Variants in SLC12A8 observed in about 807,000 individuals in gnomAD.
SLC12A8 encodes solute carrier family 12 member 8.
A neutral mutation model predicts 75.6 loss-of-function variants in SLC12A8; 69 were observed. The ratio of observed to expected loss-of-function variants is 0.91; its 90% CI spans 0.75 to 1.11. The LOEUF (loss-of-function observed/expected upper bound fraction) is 1.11, where lower values mean the gene tolerates loss of function less well. Ranked by LOEUF, SLC12A8 falls within the 50% of genes most tolerant of loss-of-function variation. The pLI is 0.00. For synonymous variants in SLC12A8, 365 were observed against 372.8 expected (o/e 0.98, Z 0.24); for missense variants, 877 against 896.7 (o/e 0.98, Z 0.28).
In SLC12A8 at chr3:125,149,646, A is replaced by C. The variant is rs79277501; in HGVS notation, c.623-13864T>G. The stretch of plus-strand genomic sequence containing the variant: ...GGAATATTGAAAATATTCAACAGGT[A>C]GAACAAGTCAAAGAACATGCTTTGC... On this transcript the variant is annotated intron_variant, in intron 5 of 13. Coordinates refer to ENST00000469902, the MANE Select transcript of SLC12A8 (RefSeq NM_024628.6). Among the ~76,000 whole-genome samples, 1,544 of 152,354 alleles carry C rather than the reference A, an allele frequency of 0.01. 65 individuals carry two copies. In the East Asian group the frequency reaches 0.12, roughly 12 times the overall value.
chr3:125,123,732 C>A (rs1933121373), intron 6 of SLC12A8: 1 of 152,156 alleles, frequency 6.6e-6, no homozygotes, highest in South Asian at 2.1e-4. Flanking sequence ...TTCCCTCCCA[C>A]CAGGTTCCTC....
chr3:125,172,332 C>G (rs1934421828), intron 5 of SLC12A8, among the ~76,000 whole-genome samples: 1 of 151,700 alleles, frequency 6.6e-6, no homozygotes, highest in Non-Finnish European at 1.5e-5. Context: ...CCCTCTTTCT[C>G]TCTCTCTCCC....
At chr3:125,167,347 T>C (rs1010977400) in intron 5 of SLC12A8, among the ~76,000 whole-genome samples, 1 of 152,198 alleles carries the variant, frequency 6.6e-6, no homozygotes, top group African/African-American at 2.4e-5. Context: ...GGTTTCACCA[T>C]GTTGGCCAGG....
intron 2 of SLC12A8, among the ~76,000 whole-genome samples, chr3:125,205,202 C>T (rs939399049): frequency 1.3e-5 from 2 of 152,210 alleles, no homozygotes; most frequent in African/African-American, 4.8e-5. Context: ...TAAACCCTCA[C>T]TCCTGTCTTC....
chr3:125,176,820 AAAC>A (rs1435280523), intron 5 of SLC12A8, among the ~76,000 whole-genome samples: 7 of 143,974 alleles, frequency 4.9e-5, no homozygotes, highest in African/African-American at 1.8e-4. Context: ...AAAAGTCAGG[AAAC>A]AACAGGTGCT....
chr3:125,191,430 A>G (rs1934906881), intron 2 of SLC12A8, among the ~76,000 whole-genome samples: 1 of 146,254 alleles, frequency 6.8e-6, no homozygotes, highest in African/African-American at 2.5e-5. Flanking sequence ...TCAGGCATGA[A>G]CAGAGTCTTC....
chr3:125,189,561 G>C (rs1205830162), intron 3 of SLC12A8, among the ~76,000 whole-genome samples: 1 of 152,226 alleles, frequency 6.6e-6, no homozygotes, highest in African/African-American at 2.4e-5. Flanking sequence ...ACAGCTGTTA[G>C]CTCATAGGGC....
chr3:125,110,841 T>C (rs1369884666), intron 8 of SLC12A8: 1 of 152,752 alleles, frequency 6.5e-6, no homozygotes, highest in African/African-American at 2.4e-5. Context: ...AATGTCTCCG[T>C]TGCAGATATA....
At chr3:125,165,821 C>G (rs1021590398) in intron 5 of SLC12A8, among the ~76,000 whole-genome samples, 1 of 152,190 alleles carries the variant, frequency 6.6e-6, no homozygotes, top group Non-Finnish European at 1.5e-5. Flanking sequence ...CAGTGCCAGG[C>G]CAGCTGCGAG....
At chr3:125,088,238 G>T in intron 13 of SLC12A8, 72 bp downstream of exon 13, 1 of 1,496,276 alleles carries the variant, frequency 6.7e-7, no homozygotes. Flanking sequence ...AGCCAGGAAT[G>T]GGACACCCTT....
intron 2 of SLC12A8, among the ~76,000 whole-genome samples, chr3:125,193,833 G>A (rs915142996): frequency 3.3e-5 from 5 of 152,138 alleles, no homozygotes; most frequent in African/African-American, 9.7e-5. Flanking sequence ...GGGTGGAAGC[G>A]CTGGGGTGAT....
chr3:125,093,899 A>T (rs1938646328), intron 10 of SLC12A8, among the ~76,000 whole-genome samples: 1 of 151,874 alleles, frequency 6.6e-6, no homozygotes, highest in African/African-American at 2.4e-5. Context: ...CCAACTTGTC[A>T]TTCTTCTCTT....
intron 5 of SLC12A8, among the ~76,000 whole-genome samples, chr3:125,163,665 T>C (rs779263999): frequency 1.3e-5 from 2 of 152,194 alleles, no homozygotes; most frequent in African/African-American, 2.4e-5. Context: ...TCTTTCATTG[T>C]GGCCACAAAT....
At chr3:125,207,090 G>A (rs569255) in intron 2 of SLC12A8, among the ~76,000 whole-genome samples, 102,138 of 152,064 alleles carry the variant, frequency 0.67, 36,232 homozygotes, top group African/African-American at 0.91. Flanking sequence ...ACAAGAAGAC[G>A]GAGCAGAGTC....
At position 125,091,563 on chromosome 3, in the gene SLC12A8, A is replaced by T; in HGVS notation, c.1804-7T>A. 4.4e-6 allele frequency: 7 copies of T among 1,597,638 alleles called. No homozygotes were observed. The highest frequency in any genetic ancestry group is 6.0e-6 in the Non-Finnish European group (7 of 1,165,092). ...TGAGAAGGGACCCAACAGCCTGTGA[A>T]AACAGAGTAGGAAGAGCAAATCACC... On this transcript the variant is annotated splice_region_variant and splice_polypyrimidine_tract_variant and intron_variant, in intron 11 of 13. Transcript: ENST00000469902.
chr3:125,181,234 A>G (rs1934651098), intron 4 of SLC12A8, among the ~76,000 whole-genome samples: 3 of 152,366 alleles, frequency 2.0e-5, no homozygotes, highest in South Asian at 2.1e-4. Context: ...TGTTTTATTC[A>G]AAAACTCAAG....
intron 5 of SLC12A8, among the ~76,000 whole-genome samples, chr3:125,136,168 T>C (rs551961790): frequency 8.5e-5 from 13 of 152,278 alleles, no homozygotes; most frequent in African/African-American, 3.1e-4. Flanking sequence ...TCGAAAACCT[T>C]CCACGGGTCC....
chr3:125,187,323 C>T lies in SLC12A8; in HGVS notation c.304G>A (p.Gly102Ser), dbSNP rs201957526. Residue 102 changes from glycine to serine, a missense_variant, in exon 4 of 14, where the codon GGC becomes AGC. Physicochemically the swap from Gly to Ser is moderately conservative, Grantham distance 56. Transcript: ENST00000469902. Reference sequence around the variant, plus strand: ...ATCATGGAGTAGACGCCACCGCTGCCGATGCTGCTGCGCTCCCCGACGCCA... The same window carrying T: ...ATCATGGAGTAGACGCCACCGCTGCTGATGCTGCTGCGCTCCCCGACGCCA... Reference protein sequence around the residue: ...GIGVGERSSIGSGGVYSMISS... With the variant: ...GIGVGERSSISSGGVYSMISS... 68 of 1,614,186 alleles carry T rather than the reference C, an allele frequency of 4.2e-5. No homozygotes were observed. Among genetic ancestry groups the T allele is most frequent in the African/African-American group, 2.4e-4 (18 of 75,050 alleles).
intron 2 of SLC12A8, among the ~76,000 whole-genome samples, chr3:125,190,797 C>A (rs111834267): frequency 6.6e-6 from 1 of 152,212 alleles, no homozygotes; most frequent in African/African-American, 2.4e-5. Context: ...TATTCACAAA[C>A]GTAGTCCTTT....
Sources: gnomAD v4.1 joint callset for allele counts (sites outside exome capture counted in the v4.1 genomes callset) on GRCh38, gnomAD v4.1.1 for gene constraint, MANE v1.5 for transcripts, NCBI Gene and HGNC (gene_info 2026-07-23, HGNC 2026-07-21) for gene names.